Variants in BMP7 observed in about 807,000 individuals in gnomAD.
BMP7 encodes osteogenic protein 1.
A neutral mutation model predicts 41.2 loss-of-function variants in BMP7; 12 were observed. That is an observed-to-expected ratio of 0.29 (90% CI 0.19 to 0.47). The LOEUF (loss-of-function observed/expected upper bound fraction) is 0.47, where lower values mean the gene tolerates loss of function less well. Ranked by LOEUF, BMP7 falls within the 20% of genes least tolerant of loss-of-function variation. BMP7 has a pLI of 0.99. For missense variants in BMP7, 467 were observed against 606.0 expected, an observed-to-expected ratio of 0.77 and a Z score of 2.41; for synonymous variants, 248 against 250.0, an observed-to-expected ratio of 0.99 and a Z score of 0.07.
chr20:57,233,134 T>C (rs923261698), intron 1 of BMP7, among the ~76,000 whole-genome samples: 4 of 152,132 alleles, frequency 2.6e-5, no homozygotes, highest in Non-Finnish European at 5.9e-5. Flanking sequence ...TACCCAAGAC[T>C]TGAGTTTTAA....
intron 3 of BMP7, among the ~76,000 whole-genome samples, chr20:57,196,946 G>A (rs1984505791): frequency 1.3e-5 from 2 of 151,648 alleles, no homozygotes; most frequent in Admixed American, 1.3e-4. Flanking sequence ...CTGTTGCCCA[G>A]GCTGGAGTGC....
chr20:57,183,575 G>A lies in BMP7; in HGVS notation c.958+147C>T, dbSNP rs1600730066. On this transcript the variant is annotated intron_variant, in intron 4 of 6. Transcript: ENST00000395863. ...GAATTAAGATGTCCTGTGTAGGGGT[G>A]GATTTGGGGGTTTTCTTCCTGCTAT... is the stretch of plus-strand genomic sequence containing the variant. 1.4e-5 allele frequency: 14 copies of A among 1,004,502 alleles called. No homozygotes were observed. In the East Asian group the frequency reaches 3.6e-4, roughly 26 times the overall value. The allele number at this position is 1,004,502 out of a possible 1,614,324, so 62.2% of individuals were successfully genotyped here. A position where few individuals can be genotyped will look rare whatever the true frequency, so the allele number is the denominator to read the frequency against.
intron 4 of BMP7, among the ~76,000 whole-genome samples, 198 bp downstream of exon 4, chr20:57,183,524 C>T (rs188808979): frequency 6.6e-6 from 1 of 152,328 alleles, no homozygotes; most frequent in Non-Finnish European, 1.5e-5. Context: ...TTGCTACTTG[C>T]ATTTCTAAGC....
chr20:57,186,615 G>T (rs535778416), intron 3 of BMP7, among the ~76,000 whole-genome samples: 1 of 152,184 alleles, frequency 6.6e-6, no homozygotes, highest in Admixed American at 6.5e-5. Flanking sequence ...GGATGACGGG[G>T]AGTTGGGAGG....
At chr20:57,251,706 G>C (rs1254807478) in intron 1 of BMP7, among the ~76,000 whole-genome samples, 4 of 152,232 alleles carry the variant, frequency 2.6e-5, no homozygotes, top group Admixed American at 2.0e-4. Flanking sequence ...GGCCGAGGCA[G>C]GCAGATCCCT....
chr20:57,205,742 G>A (rs184597706), intron 2 of BMP7, among the ~76,000 whole-genome samples: 239 of 152,186 alleles, frequency 1.6e-3, no homozygotes, highest in African/African-American at 5.4e-3. Flanking sequence ...AACAGAGAAC[G>A]CCTCGCCAAA....
intron 1 of BMP7, among the ~76,000 whole-genome samples, chr20:57,252,870 A>C (rs1480167064): frequency 6.6e-6 from 1 of 152,182 alleles, no homozygotes; most frequent in Admixed American, 6.5e-5. Flanking sequence ...TTTGCCCCCC[A>C]GGGTACAGTT....
At chr20:57,244,408 C>T (rs1054589155) in intron 1 of BMP7, among the ~76,000 whole-genome samples, 4 of 152,182 alleles carry the variant, frequency 2.6e-5, no homozygotes, top group African/African-American at 9.7e-5. Context: ...TCTCCGGAGA[C>T]TTAGTGAAGT....
chr20:57,202,467 G>T lies in BMP7; in HGVS notation c.760+8C>A. On this transcript the variant is annotated splice_region_variant and intron_variant, in intron 3 of 6. Transcript: ENST00000395863. ...TGCATTAGGACTGGCAGTGGCCGGG[G>T]GACTCACCATCCAGCGTCTCCACCG... 1.2e-6 allele frequency: 2 copies of T among 1,602,602 alleles called. No individual in the cohort carries two copies. The highest frequency in any genetic ancestry group is 1.7e-6 in the Non-Finnish European group (2 of 1,179,428).
At chr20:57,231,500 G>A (rs563197109) in intron 1 of BMP7, among the ~76,000 whole-genome samples, 1 of 152,196 alleles carries the variant, frequency 6.6e-6, no homozygotes, top group Non-Finnish European at 1.5e-5. Flanking sequence ...GAAGAGACCA[G>A]GTCTGCCCCC....
intron 1 of BMP7, among the ~76,000 whole-genome samples, chr20:57,251,490 C>G (rs1455748835): frequency 1.3e-5 from 2 of 152,198 alleles, no homozygotes; most frequent in Non-Finnish European, 2.9e-5. Flanking sequence ...GAGCACATGC[C>G]TCATGTTAAA....
intron 2 of BMP7, chr20:57,225,796 G>A: frequency 2.3e-6 from 1 of 437,016 alleles, no homozygotes; most frequent in Non-Finnish European, 4.9e-6. Flanking sequence ...AAAGAAAGCA[G>A]CTCCGTCTTG....
chr20:57,244,858 T>G (rs1274865087), intron 1 of BMP7, among the ~76,000 whole-genome samples: 1 of 152,178 alleles, frequency 6.6e-6, no homozygotes, highest in African/African-American at 2.4e-5. Flanking sequence ...GAGGCTTGGG[T>G]CAGCTGGGCA....
At chr20:57,210,994 T>C (rs1984865706) in intron 2 of BMP7, among the ~76,000 whole-genome samples, 1 of 152,216 alleles carries the variant, frequency 6.6e-6, no homozygotes, top group Admixed American at 6.5e-5. Flanking sequence ...AGAGCCAGCC[T>C]GATATCCCCC....
At chr20:57,239,691 T>C (rs1306680799) in intron 1 of BMP7, among the ~76,000 whole-genome samples, 1 of 152,246 alleles carries the variant, frequency 6.6e-6, no homozygotes, top group African/African-American at 2.4e-5. Flanking sequence ...GGCATTTCCA[T>C]ACATTTTCTG....
chr20:57,260,578 C>A (rs960731445), intron 1 of BMP7, among the ~76,000 whole-genome samples: 1 of 152,176 alleles, frequency 6.6e-6, no homozygotes, highest in African/African-American at 2.4e-5. Flanking sequence ...ATGGCACCGG[C>A]GCATTTGATT....
At chr20:57,176,144 G>T (rs1340553187) in intron 4 of BMP7, among the ~76,000 whole-genome samples, 1 of 152,184 alleles carries the variant, frequency 6.6e-6, no homozygotes, top group Non-Finnish European at 1.5e-5. Flanking sequence ...ACATTCCTAA[G>T]AAAGACCCAT....
chr20:57,219,138 G>A (rs1435742987), intron 2 of BMP7, among the ~76,000 whole-genome samples: 2 of 122,546 alleles, frequency 1.6e-5, no homozygotes, highest in Non-Finnish European at 3.0e-5. Flanking sequence ...GTAGCTGTTC[G>A]GTGGTAGCTG....
At chr20:57,205,860 A>G (rs562439498) in intron 2 of BMP7, among the ~76,000 whole-genome samples, 1 of 152,290 alleles carries the variant, frequency 6.6e-6, no homozygotes, top group East Asian at 1.9e-4. Context: ...CCCCTCCTTC[A>G]AGTCATAGTT....
Sources: allele counts gnomAD v4.1 joint callset (sites outside exome capture counted in the v4.1 genomes callset), GRCh38; gene constraint gnomAD v4.1.1; transcripts MANE v1.5; gene names NCBI Gene and HGNC (gene_info 2026-07-23, HGNC 2026-07-21).